The following CEP192 variants were observed in gnomAD, a reference collection of about 807,000 sequenced individuals.
CEP192 encodes centrosomal protein 192, also known as centrosomal protein of 192 kDa.
A neutral mutation model predicts 271.8 loss-of-function variants in CEP192; 151 were observed. That is an observed-to-expected ratio of 0.56 (90% CI 0.49 to 0.64). The LOEUF (loss-of-function observed/expected upper bound fraction) is 0.64, where lower values mean the gene tolerates loss of function less well. CEP192 is among the 30% of genes least tolerant of loss of function. The probability of loss-of-function intolerance (pLI) is 0.00; values close to 1 mark genes in which losing one functional copy is unlikely to be tolerated. For synonymous variants in CEP192, 995 were observed against 1,076.5 expected (o/e 0.92, Z 1.48); for missense variants, 2,910 against 3,020.5 (o/e 0.96, Z 0.86).
chr18:13,035,352 A>G (rs1306816933), intron 11 of CEP192, among the ~76,000 whole-genome samples: 1 of 152,242 alleles, frequency 6.6e-6, no homozygotes, highest in Non-Finnish European at 1.5e-5. Flanking sequence ...TTACAGTTCC[A>G]CGTGGCTAGG....
Position 13,049,877 on chromosome 18 carries a change from A to T in CEP192, c.3003A>T (p.Gly1001=). 6.2e-7 allele frequency: 1 copy of T among 1,614,016 alleles called. No individual in the cohort carries two copies. Among genetic ancestry groups the T allele is most frequent in the Admixed American group, 1.7e-5 (1 of 60,002 alleles). The change falls in exon 17 of 45, where the codon GGA becomes GGT. Residue 1001 remains glycine (G), a synonymous_variant. Coordinates refer to ENST00000506447, the MANE Select transcript of CEP192 (RefSeq NM_032142.4). The part of the protein sequence containing the change: ...LSHSSPSEIS[G]TSSSGCALES... ...ATTCTTCTCCTAGTGAAATTTCTGG[A>T]ACGAGTTCATCAGGGTAAGTGTGTA...
intron 28 of CEP192, 115 bp downstream of exon 28, chr18:13,071,327 G>A: frequency 1.2e-6 from 1 of 866,886 alleles, no homozygotes; most frequent in Non-Finnish European, 1.7e-6. Flanking sequence ...GCTCAATTGT[G>A]CAGAACTGGA....
At chr18:13,074,842 A>G (rs943424459) in intron 30 of CEP192, among the ~76,000 whole-genome samples, 2 of 152,216 alleles carry the variant, frequency 1.3e-5, no homozygotes, top group South Asian at 2.1e-4. Flanking sequence ...TGTCTCTGTT[A>G]CTTACCTCTC....
Position 13,068,428 on chromosome 18 carries a change from A to G in CEP192, c.4822+6A>G, listed in dbSNP as rs767802120. ...GAAACAGATCAGCTCTTCAGGTATC[A>G]TGTTTACACTGTGTGGGAATTGCTT... On this transcript the variant is annotated splice_donor_region_variant and intron_variant, in intron 24 of 44. Transcript: ENST00000506447. 6.3e-7 allele frequency: 1 copy of G among 1,596,286 alleles called. No individual in the cohort carries two copies. Among genetic ancestry groups the G allele is most frequent in the Non-Finnish European group, 8.6e-7 (1 of 1,166,846 alleles).
At chr18:13,104,925 CTG>C (rs2144948309) in intron 39 of CEP192, 57 bp from the exon 40 acceptor site, 2 of 1,236,934 alleles carry the variant, frequency 1.6e-6, no homozygotes, top group South Asian at 2.4e-5. Context: ...AATAGTGTCT[CTG>C]TGGGATTTAT....
At chr18:13,012,698 C>G (rs1226014906) in intron 4 of CEP192, among the ~76,000 whole-genome samples, 1 of 152,138 alleles carries the variant, frequency 6.6e-6, no homozygotes, top group South Asian at 2.1e-4. Flanking sequence ...TGTCATTTCT[C>G]TTGTTTCTCT....
At chr18:13,069,255 G>C in intron 26 of CEP192, 74 bp downstream of exon 26, 1 of 1,281,450 alleles carries the variant, frequency 7.8e-7, no homozygotes, top group Admixed American at 1.7e-5. Flanking sequence ...TCTGCAGGCT[G>C]TTGTGCTCTT....
intron 21 of CEP192, among the ~76,000 whole-genome samples, chr18:13,066,963 C>CTGTGTGTGTG (rs56795701): frequency 0.022 from 3,104 of 143,464 alleles, 63 homozygotes; most frequent in African/African-American, 0.045. Context: ...GTGAGCACGT[C>CTGTGTGTGTG]TGTGTGTGTG....
At chr18:13,107,970 G>T (rs1439736115) in intron 40 of CEP192, among the ~76,000 whole-genome samples, 1 of 149,702 alleles carries the variant, frequency 6.7e-6, no homozygotes, top group Non-Finnish European at 1.5e-5. Context: ...CAATGGAACA[G>T]AATAGAGAAC....
chr18:13,023,508 C>T (rs1310993733), intron 9 of CEP192, among the ~76,000 whole-genome samples: 2 of 147,834 alleles, frequency 1.4e-5, no homozygotes, highest in Admixed American at 6.7e-5. Context: ...TTGATATGAT[C>T]GCATGATTTT....
At chr18:13,094,391 GC>G (rs1198715444) in intron 34 of CEP192, among the ~76,000 whole-genome samples, 1 of 152,148 alleles carries the variant, frequency 6.6e-6, no homozygotes, top group Non-Finnish European at 1.5e-5. Flanking sequence ...GAAGAGGTTT[GC>G]TTTTGGCCCT....
chr18:13,092,652 A>G (rs1420456671), intron 34 of CEP192, 125 bp downstream of exon 34: 6 of 727,182 alleles, frequency 8.3e-6, no homozygotes, highest in Non-Finnish European at 1.3e-5. Flanking sequence ...TTTCACCTTT[A>G]TTTTAAAATT....
intron 30 of CEP192, among the ~76,000 whole-genome samples, chr18:13,082,448 T>TGC (rs1362005345): frequency 6.9e-6 from 1 of 144,230 alleles, no homozygotes; most frequent in Non-Finnish European, 1.5e-5. Flanking sequence ...TTTTTTTTTT[T>TGC]TTTTTTTTTG....
chr18:13,114,079 ATTTTC>A (rs2040325596), intron 41 of CEP192, 46 bp from the exon 42 acceptor site: 1 of 1,561,816 alleles, frequency 6.4e-7, no homozygotes, highest in Non-Finnish European at 8.6e-7. Flanking sequence ...ATGTCCATAT[ATTTTC>A]TTAGTTTTTA....
chr18:13,069,665 A>G (rs2037904338), intron 26 of CEP192, 73 bp from the exon 27 acceptor site: 8 of 813,238 alleles, frequency 9.8e-6, no homozygotes, highest in South Asian at 8.8e-5. Flanking sequence ...AACGCACGTA[A>G]GGCAGGAGCC....
chr18:13,052,275 T>C (rs944721571), intron 17 of CEP192, among the ~76,000 whole-genome samples: 2 of 152,248 alleles, frequency 1.3e-5, no homozygotes, highest in African/African-American at 4.8e-5. Flanking sequence ...TAGAACAGCA[T>C]GCTTTTGAAT....
At chr18:13,082,510 TG>T (rs1372403617) in intron 30 of CEP192, among the ~76,000 whole-genome samples, 2 of 150,590 alleles carry the variant, frequency 1.3e-5, no homozygotes, top group African/African-American at 4.9e-5. Flanking sequence ...TGAGCCTATG[TG>T]TGTCTCTGCA....
chr18:13,099,358 T>C (rs1294661505), intron 36 of CEP192, 118 bp from the exon 37 acceptor site: 12 of 601,490 alleles, frequency 2.0e-5, no homozygotes, highest in Admixed American at 6.5e-5. Flanking sequence ...CTCTGTTCTC[T>C]GCTCTTCCTG....
At chr18:12,993,284 T>G (rs889967715) in intron 1 of CEP192, among the ~76,000 whole-genome samples, 2 of 151,134 alleles carry the variant, frequency 1.3e-5, no homozygotes, top group Non-Finnish European at 3.0e-5. Context: ...ACAAGTTTGG[T>G]TTTGTATTTT....
Sources: allele counts gnomAD v4.1 joint callset (sites outside exome capture counted in the v4.1 genomes callset), GRCh38; gene constraint gnomAD v4.1.1; transcripts MANE v1.5; gene names NCBI Gene and HGNC (gene_info 2026-07-23, HGNC 2026-07-21).